PDE1C: variants seen among roughly 807,000 people sequenced by gnomAD.
PDE1C encodes the protein dual specificity calcium/calmodulin-dependent 3',5'-cyclic nucleotide phosphodiesterase 1C.
In PDE1C, 62 loss-of-function variants were observed where a neutral mutation model predicts 93.1. The observed-to-expected ratio is 0.67, with a 90% CI of 0.54 to 0.82. PDE1C has a LOEUF of 0.82. Among genes scored for constraint, PDE1C ranks in the 40% least tolerant of loss-of-function variants. The pLI is 0.00. For synonymous variants in PDE1C, 325 were observed against 310.1 expected, an observed-to-expected ratio of 1.05 and a Z score of -0.50; for missense variants, 742 against 884.6, an observed-to-expected ratio of 0.84 and a Z score of 2.04.
intron 1 of PDE1C, among the ~76,000 whole-genome samples, chr7:32,416,568 A>G (rs868460505): frequency 6.6e-6 from 1 of 152,050 alleles, no homozygotes; most frequent in Non-Finnish European, 1.5e-5. Context: ...TATACATACA[A>G]TTTCATCAGC....
At chr7:31,757,139 T>C (rs897019890) in intron 17 of PDE1C, among the ~76,000 whole-genome samples, 5 of 152,236 alleles carry the variant, frequency 3.3e-5, no homozygotes, top group Non-Finnish European at 1.5e-5. Context: ...GGAAAGATGA[T>C]ACAGATGACT....
chr7:32,179,265 C>T (rs865911399), intron 2 of PDE1C, among the ~76,000 whole-genome samples: 70 of 131,344 alleles, frequency 5.3e-4, no homozygotes, highest in African/African-American at 1.9e-3. Flanking sequence ...CTGACTTAGT[C>T]TTTTTTTTTT....
intron 2 of PDE1C, among the ~76,000 whole-genome samples, chr7:32,173,541 CT>C (rs1802787224): frequency 6.6e-6 from 1 of 151,766 alleles, no homozygotes; most frequent in African/African-American, 2.4e-5. Context: ...AAAAAAAACA[CT>C]GTCAGATCAC....
chr7:32,025,450 G>A (rs1789286121), intron 2 of PDE1C, among the ~76,000 whole-genome samples: 1 of 152,088 alleles, frequency 6.6e-6, no homozygotes, highest in Admixed American at 6.6e-5. Flanking sequence ...TTTGGGGCTT[G>A]AAGACATTGC....
intron 1 of PDE1C, among the ~76,000 whole-genome samples, chr7:32,369,378 T>C (rs1784284371): frequency 6.6e-6 from 1 of 152,098 alleles, no homozygotes. Flanking sequence ...GGCCAAGAAA[T>C]ACATGGAAAA....
At chr7:31,814,124 A>G (rs1011499545) in intron 15 of PDE1C, among the ~76,000 whole-genome samples, 1 of 151,762 alleles carries the variant, frequency 6.6e-6, no homozygotes, top group African/African-American at 2.4e-5. Flanking sequence ...TTCTTTATCC[A>G]TTCATGGATT....
At chr7:32,340,253 G>C (rs1486528568) in intron 1 of PDE1C, among the ~76,000 whole-genome samples, 1 of 152,150 alleles carries the variant, frequency 6.6e-6, no homozygotes, top group Non-Finnish European at 1.5e-5. Flanking sequence ...TGTCTTCAGA[G>C]CTAAAAAGGT....
intron 2 of PDE1C, among the ~76,000 whole-genome samples, chr7:31,982,540 T>A (rs1322291330): frequency 4.6e-5 from 7 of 152,010 alleles, no homozygotes; most frequent in Non-Finnish European, 7.4e-5. Context: ...ATGATTTTTT[T>A]AATTTCCTCT....
At chr7:31,975,099 C>A (rs892448069) in intron 2 of PDE1C, among the ~76,000 whole-genome samples, 2 of 152,296 alleles carry the variant, frequency 1.3e-5, no homozygotes, top group South Asian at 4.1e-4. Context: ...GAGCAACCAG[C>A]AGTTTTCAGA....
intron 16 of PDE1C, among the ~76,000 whole-genome samples, chr7:31,781,529 C>T (rs1387911138): frequency 2.6e-5 from 4 of 152,146 alleles, no homozygotes; most frequent in East Asian, 1.9e-4. Flanking sequence ...TCTTTGTGTT[C>T]CATTTGGGCT....
At chr7:31,916,325 A>T (rs1041968782) in intron 2 of PDE1C, among the ~76,000 whole-genome samples, 1 of 152,200 alleles carries the variant, frequency 6.6e-6, no homozygotes, top group African/African-American at 2.4e-5. Context: ...GCTGTAAGTG[A>T]TTGTCAAATA....
chr7:32,274,709 C>T (rs1431811885), intron 1 of PDE1C, among the ~76,000 whole-genome samples: 2 of 152,086 alleles, frequency 1.3e-5, no homozygotes, highest in Admixed American at 6.6e-5. Context: ...TAGGGACAAA[C>T]TTGAAAGTAG....
intron 1 of PDE1C, among the ~76,000 whole-genome samples, chr7:32,420,418 T>C (rs955674048): frequency 7.1e-6 from 1 of 140,238 alleles, no homozygotes; most frequent in African/African-American, 2.6e-5. Context: ...CACACACATA[T>C]ACACACACAC....
the PDE1C span, chr7:31,655,747 C>T: frequency 2.0e-6 from 2 of 985,626 alleles, no homozygotes; most frequent in Non-Finnish European, 1.2e-6. Context: ...AATCGTTTCC[C>T]TTGCTAAACT....
At chr7:32,091,929 A>G (rs1261938816) in intron 3 of PDE1C, among the ~76,000 whole-genome samples, 3 of 152,190 alleles carry the variant, frequency 2.0e-5, no homozygotes, top group African/African-American at 7.2e-5. Context: ...GTGGTGGCTC[A>G]GTCAGGCGGT....
chr7:32,321,357 A>G (rs1783288036), intron 1 of PDE1C, among the ~76,000 whole-genome samples: 1 of 152,216 alleles, frequency 6.6e-6, no homozygotes, highest in Non-Finnish European at 1.5e-5. Context: ...GGAGGAGAAG[A>G]ATCAAGGGGT....
chr7:32,132,372 A>G (rs1349302325), intron 3 of PDE1C, among the ~76,000 whole-genome samples: 1 of 152,170 alleles, frequency 6.6e-6, no homozygotes, highest in African/African-American at 2.4e-5. Context: ...GACTTTTATC[A>G]TATCGGTTAA....
At position 31,897,886 on chromosome 7, in the gene PDE1C, T is replaced by C. The variant is rs141629348; in HGVS notation, c.129-17026A>G. Among the ~76,000 whole-genome samples, 545 of 152,266 alleles carry C rather than the reference T, an allele frequency of 3.6e-3. 2 individuals are homozygous for C. The highest frequency in any genetic ancestry group is 0.012 in the African/African-American group (501 of 41,560). ...AATATATATATTTTTTCCTTTCTTA[T>C]AGTCAGAAAACCAACAATAATTTGT... On this transcript the variant is annotated intron_variant, in intron 2 of 17. Coordinates refer to ENST00000396191, the MANE Select transcript of PDE1C (RefSeq NM_001191057.4).
At chr7:31,722,510 T>C in the PDE1C span, among the ~76,000 whole-genome samples, 1 of 152,184 alleles carries the variant, frequency 6.6e-6, no homozygotes, top group African/African-American at 2.4e-5. Flanking sequence ...TATGTATTCA[T>C]ACACGCTTAT....
Sources: gnomAD v4.1 joint callset for allele counts (sites outside exome capture counted in the v4.1 genomes callset) on GRCh38, gnomAD v4.1.1 for gene constraint, MANE v1.5 for transcripts, NCBI Gene and HGNC (gene_info 2026-07-23, HGNC 2026-07-21) for gene names.